DNM3: variants seen among roughly 807,000 people sequenced by gnomAD.
DNM3 encodes dynamin 3, also known as dynamin-3.
DNM3 carries 47 observed loss-of-function variants against 101.6 expected under a neutral mutation model. That is an observed-to-expected ratio of 0.46 (90% CI 0.37 to 0.59). The LOEUF (loss-of-function observed/expected upper bound fraction) is 0.59. Among genes scored for constraint, DNM3 ranks in the 20% least tolerant of loss-of-function variants. The probability of loss-of-function intolerance (pLI) is 0.00; values close to 1 mark genes in which losing one functional copy is unlikely to be tolerated. For missense variants in DNM3, 849 were observed against 1,085.7 expected, an observed-to-expected ratio of 0.78 and a Z score of 3.06; for synonymous variants, 385 against 387.9, an observed-to-expected ratio of 0.99 and a Z score of 0.09.
At chr1:172,055,620 C>T (rs1478756264) in intron 10 of DNM3, among the ~76,000 whole-genome samples, 1 of 152,024 alleles carries the variant, frequency 6.6e-6, no homozygotes, top group Non-Finnish European at 1.5e-5. Context: ...CTCTATTTTC[C>T]ACCCCTAAAA....
At chr1:172,223,897 G>A (rs1005435804) in intron 14 of DNM3, among the ~76,000 whole-genome samples, 1 of 151,918 alleles carries the variant, frequency 6.6e-6, no homozygotes, top group Non-Finnish European at 1.5e-5. Context: ...ACTTTGTCTG[G>A]GCCATTGGAG....
intron 7 of DNM3, among the ~76,000 whole-genome samples, chr1:172,038,898 C>A (rs747323739): frequency 6.6e-6 from 1 of 151,130 alleles, no homozygotes; most frequent in Non-Finnish European, 1.5e-5. Flanking sequence ...GAATGAGAAC[C>A]AAGGGTTTAA....
rs550472533 is a variant in DNM3 at position 172,269,078 on chromosome 1, A to G, written c.1769+15396A>G. On this transcript the variant is annotated intron_variant, in intron 15 of 20. Coordinates refer to ENST00000627582, the MANE Select transcript of DNM3 (RefSeq NM_015569.5). ...CAAGGATTCAGTTTCTCTCTTCCCA[A>G]GGATTTAAACTGGAGTTGTAACCGA... Among the ~76,000 whole-genome samples the G allele has an allele frequency of 5.3e-5, 8 of 152,290 alleles. 1 individual carries two copies. The highest frequency in any genetic ancestry group is 1.4e-4 in the African/African-American group (6 of 41,566).
chr1:171,995,574 G>A lies in DNM3; in HGVS notation c.589+6426G>A, dbSNP rs114697667. Among the ~76,000 whole-genome samples, 724 of 152,074 alleles carry A rather than the reference G, an allele frequency of 4.8e-3. 5 individuals are homozygous for A. Among genetic ancestry groups the A allele is most frequent in the Non-Finnish European group, 7.1e-3 (481 of 67,992 alleles). The stretch of plus-strand genomic sequence containing the variant: ...CAGAGGTCCTTATTCCAGCATTCCC[G>A]TTTATATTCCTCATTCTGGTCCTAT... On this transcript the variant is annotated intron_variant, in intron 4 of 20. Coordinates refer to ENST00000627582, the MANE Select transcript of DNM3 (RefSeq NM_015569.5).
At chr1:172,299,667 G>A (rs2064342761) in intron 15 of DNM3, among the ~76,000 whole-genome samples, 1 of 152,064 alleles carries the variant, frequency 6.6e-6, no homozygotes. Context: ...AATATTATTA[G>A]GATAATGGCT....
At chr1:172,008,512 T>G (rs1038578099) in intron 4 of DNM3, among the ~76,000 whole-genome samples, 2 of 151,772 alleles carry the variant, frequency 1.3e-5, no homozygotes, top group African/African-American at 4.8e-5. Flanking sequence ...CAGTTGGCTG[T>G]GCGTGGATTT....
chr1:172,393,844 C>T (rs953607783), intron 20 of DNM3: 1 of 152,498 alleles, frequency 6.6e-6, no homozygotes, highest in Non-Finnish European at 1.5e-5. Context: ...ATAGAAACAA[C>T]TTTGAGGTGT....
chr1:172,390,363 T>A (rs1397621172), intron 20 of DNM3, among the ~76,000 whole-genome samples: 2 of 152,234 alleles, frequency 1.3e-5, no homozygotes, highest in African/African-American at 4.8e-5. Context: ...GCTCAGCCAG[T>A]CCCTAGTGGA....
chr1:172,208,749 C>G (rs191297800), intron 14 of DNM3, among the ~76,000 whole-genome samples: 1 of 152,070 alleles, frequency 6.6e-6, no homozygotes, highest in South Asian at 2.1e-4. Flanking sequence ...CCTTCCTCTC[C>G]GCTACTCCTT....
chr1:172,133,055 C>A, intron 14 of DNM3: 1 of 1,464,990 alleles, frequency 6.8e-7, no homozygotes, highest in South Asian at 1.5e-5. Context: ...CAACCTCATC[C>A]CACAGAGGAC....
intron 20 of DNM3, among the ~76,000 whole-genome samples, chr1:172,405,403 G>T (rs965971461): frequency 3.3e-5 from 5 of 151,996 alleles, no homozygotes; most frequent in Non-Finnish European, 5.9e-5. Context: ...ATAGGGGAAG[G>T]CAGAGGAAGT....
intron 4 of DNM3, among the ~76,000 whole-genome samples, chr1:172,021,185 C>G (rs1362801515): frequency 1.3e-5 from 2 of 152,202 alleles, no homozygotes; most frequent in Non-Finnish European, 2.9e-5. Flanking sequence ...ATAAAGGAAG[C>G]CTTGGCTGGG....
At position 172,252,382 on chromosome 1, in the gene DNM3, A is replaced by C. The variant is rs141879367; in HGVS notation, c.1660-1191A>C. Reference sequence around the variant, plus strand: ...TACCCACAAACTGATTAGGGAGCACAGAAGAGCTCTATGCTATGCAGCTGA... The same window carrying C: ...TACCCACAAACTGATTAGGGAGCACCGAAGAGCTCTATGCTATGCAGCTGA... On this transcript the variant is annotated intron_variant, in intron 14 of 20. Coordinates refer to ENST00000627582, the MANE Select transcript of DNM3 (RefSeq NM_015569.5). Among the ~76,000 whole-genome samples, 498 of 152,328 alleles carry C rather than the reference A, an allele frequency of 3.3e-3. 3 individuals are homozygous for C. The highest frequency in any genetic ancestry group is 0.011 in the African/African-American group (467 of 41,588).
chr1:171,913,060 A>T (rs1299634496), intron 1 of DNM3, among the ~76,000 whole-genome samples: 3 of 152,232 alleles, frequency 2.0e-5, no homozygotes, highest in South Asian at 4.1e-4. Flanking sequence ...GTTCTTCAGC[A>T]TGTTTCCTGG....
At chr1:172,000,980 G>T (rs2125671090) in intron 4 of DNM3, among the ~76,000 whole-genome samples, 1 of 152,158 alleles carries the variant, frequency 6.6e-6, no homozygotes, top group African/African-American at 2.4e-5. Context: ...GGTGATGGAG[G>T]ATAGAGATGA....
intron 4 of DNM3, among the ~76,000 whole-genome samples, chr1:172,010,916 T>C (rs1448756900): frequency 6.6e-6 from 1 of 151,838 alleles, no homozygotes. Context: ...TTGACAGATA[T>C]TTTTTCCCTG....
chr1:172,115,028 T>G (rs2055786741), intron 13 of DNM3, among the ~76,000 whole-genome samples: 1 of 152,202 alleles, frequency 6.6e-6, no homozygotes, highest in Non-Finnish European at 1.5e-5. Flanking sequence ...CTTCATCTTC[T>G]CAAGAGAATA....
chr1:172,252,248 G>C (rs148125601), intron 14 of DNM3, among the ~76,000 whole-genome samples: 22 of 152,186 alleles, frequency 1.4e-4, no homozygotes, highest in Non-Finnish European at 3.1e-4. Context: ...TTGTAGCCAA[G>C]TAGAATGCTA....
At chr1:172,322,043 T>G (rs2065742006) in intron 16 of DNM3, among the ~76,000 whole-genome samples, 1 of 152,188 alleles carries the variant, frequency 6.6e-6, no homozygotes, top group Admixed American at 6.5e-5. Context: ...CTTCACTATT[T>G]TATCAGTGTC....
Sources: allele counts gnomAD v4.1 joint callset (sites outside exome capture counted in the v4.1 genomes callset), GRCh38; gene constraint gnomAD v4.1.1; transcripts MANE v1.5; gene names NCBI Gene and HGNC (gene_info 2026-07-23, HGNC 2026-07-21).